Variants in PDZD7 observed in about 807,000 individuals in gnomAD.
The protein encoded by PDZD7 is PDZ domain containing 7.
A neutral mutation model predicts 84.7 loss-of-function variants in PDZD7; 72 were observed. The observed-to-expected ratio is 0.85, with a 90% CI of 0.70 to 1.03. The LOEUF (loss-of-function observed/expected upper bound fraction) is 1.03. PDZD7 is among the 50% of genes least tolerant of loss of function. The pLI is 0.00. For synonymous variants in PDZD7, 594 were observed against 580.7 expected, an observed-to-expected ratio of 1.02 and a Z score of -0.33; for missense variants, 1,490 against 1,412.9, an observed-to-expected ratio of 1.05 and a Z score of -0.87.
rs556043519 is a variant in PDZD7, at chr10:101,011,615, A to G, written c.2005+75T>C. ...CACAACTGCCCCTAGTGGGGAAAGAAGTAGAAGGCCCATCCTCCTTTCCCT... is the reference window on the plus strand; with the variant it reads ...CACAACTGCCCCTAGTGGGGAAAGAGGTAGAAGGCCCATCCTCCTTTCCCT... On this transcript the variant is annotated intron_variant, in intron 14 of 16. Transcript: ENST00000619208. The G allele has an allele frequency of 3.3e-4, 493 of 1,515,704 alleles. No homozygotes were observed. In the African/African-American group the frequency reaches 6.3e-3, roughly 19 times the overall value. 93.9% of individuals were successfully genotyped at this position (1,515,704 alleles called of 1,614,324 possible). A position where few individuals can be genotyped will look rare whatever the true frequency, so the allele number is the denominator to read the frequency against.
chr10:101,030,329 C>G lies in PDZD7; in HGVS notation c.-110G>C. On this transcript the variant is annotated 5_prime_UTR_variant, in exon 2 of 17. Transcript: ENST00000619208. The stretch of plus-strand genomic sequence containing the variant: ...ATGAGCCTCTGTGCGGGGCTGGGGT[C>G]TCAGTAACGTGAAGGCCCTCGCTTG... 2 of 953,054 alleles carry G rather than the reference C, an allele frequency of 2.1e-6. No individual in the cohort carries two copies. Among genetic ancestry groups the G allele is most frequent in the Non-Finnish European group, 3.3e-6 (2 of 614,280 alleles). 59.0% of individuals were successfully genotyped at this position (953,054 alleles called of 1,614,324 possible). A position where few individuals can be genotyped will look rare whatever the true frequency, so the allele number is the denominator to read the frequency against.
At chr10:101,010,978 G>C in intron 14 of PDZD7, 95 bp from the exon 15 acceptor site, 2 of 1,525,374 alleles carry the variant, frequency 1.3e-6, no homozygotes, top group Non-Finnish European at 1.8e-6. Context: ...AGCCAGGCCC[G>C]AGTTTGTTCA....
rs895851929 is a variant in PDZD7 at position 101,019,236 on chromosome 10, C to G, written c.929-19G>C. On this transcript the variant is annotated intron_variant, in intron 7 of 16. Coordinates refer to ENST00000619208, the MANE Select transcript of PDZD7 (RefSeq NM_001195263.2). ...TTGCTCACTGCAGGGAGTAGAGAAG[C>G]CAGGGATCAGCGGGCTTGCTTCAGA... 1.3e-6 allele frequency: 2 copies of G among 1,535,186 alleles called. No individual in the cohort carries two copies. The highest frequency in any genetic ancestry group is 1.7e-6 in the Non-Finnish European group (2 of 1,146,666).
chr10:101,007,764 T>C lies in PDZD7; in HGVS notation c.*703A>G. 2 of 558,296 alleles carry C rather than the reference T, an allele frequency of 3.6e-6. No homozygotes were observed. The highest frequency in any genetic ancestry group is 4.6e-6 in the Non-Finnish European group (2 of 432,728). 34.6% of individuals were successfully genotyped at this position (558,296 alleles called of 1,614,324 possible). A position where few individuals can be genotyped will look rare whatever the true frequency, so the allele number is the denominator to read the frequency against. On this transcript the variant is annotated 3_prime_UTR_variant, in exon 17 of 17. Transcript: ENST00000619208. Reference sequence around the variant, plus strand: ...GTTTATGGCCTCGTTTTCACTTGTATATTTTTCACACTGTAAATTTCTTGT... The same window carrying C: ...GTTTATGGCCTCGTTTTCACTTGTACATTTTTCACACTGTAAATTTCTTGT...
Position 101,008,729 on chromosome 10 carries a change from AC to A in PDZD7, c.2839del (p.Val947SerfsTer98). On this transcript the variant is annotated frameshift_variant, in exon 17 of 17. Coordinates refer to ENST00000619208, the MANE Select transcript of PDZD7 (RefSeq NM_001195263.2). LOFTEE classifies it low-confidence loss of function (END_TRUNC). ...CCGTGGGCTGGGCCCGGGGACCCTG[AC>A]CACAAGCTCCATGGGCTCCCGGGCC... ...NKAREPMELV[V>X]RVPGPSPRPS... 1 of 1,535,962 alleles carries A rather than the reference AC, an allele frequency of 6.5e-7. No homozygotes were observed. Among genetic ancestry groups the A allele is most frequent in the Non-Finnish European group, 8.7e-7 (1 of 1,146,830 alleles).
chr10:101,018,258 G>C lies in PDZD7; in HGVS notation c.1363C>G (p.Pro455Ala). ...QQRKKEKSGSPGEKGALQRSK... is the reference protein window; with the variant it reads ...QQRKKEKSGSAGEKGALQRSK... ...CGCTGCAGGGCACCCTTCTCCCCAG[G>C]GGACCCCGACTTCTCCTTCTTCCGC... is the stretch of plus-strand genomic sequence containing the variant. Residue 455 changes from proline (P) to alanine (A), a missense_variant, in exon 9 of 17, where the codon CCT becomes GCT. Coordinates refer to ENST00000619208, the MANE Select transcript of PDZD7 (RefSeq NM_001195263.2). 6.2e-7 allele frequency: 1 copy of C among 1,614,064 alleles called. No homozygotes were observed. The highest frequency in any genetic ancestry group is 8.5e-7 in the Non-Finnish European group (1 of 1,180,040).
chr10:101,018,116 C>A lies in PDZD7; in HGVS notation c.1505G>T (p.Arg502Leu), dbSNP rs768381051. Residue 502 changes from arginine to leucine, a missense_variant, in exon 9 of 17, where the codon CGC becomes CTC. Arg to Leu is a moderately radical substitution (Grantham distance 102). Coordinates refer to ENST00000619208, the MANE Select transcript of PDZD7 (RefSeq NM_001195263.2). ...CTACTTACCTTTCTCTATGTCCAGG[C>A]GAGGGTAAGTTTTGGCCAGGCTCCC... ...DSGSLAKTYPRLDIEKAGGVG... is the reference protein window; with the variant it reads ...DSGSLAKTYPLLDIEKAGGVG... 1.1e-5 allele frequency: 17 copies of A among 1,614,028 alleles called. No individual in the cohort carries two copies. Among genetic ancestry groups the A allele is most frequent in the African/African-American group, 1.3e-5 (1 of 74,918 alleles).
At chr10:101,016,470 G>A in intron 9 of PDZD7, 43 bp from the exon 10 acceptor site, 1 of 1,546,140 alleles carries the variant, frequency 6.5e-7, no homozygotes, top group Non-Finnish European at 8.7e-7. Flanking sequence ...TTGGCCCCCA[G>A]TCTGAAAATG....
intron 2 of PDZD7, among the ~76,000 whole-genome samples, chr10:101,029,506 C>T (rs1937932398): frequency 6.6e-6 from 1 of 152,238 alleles, no homozygotes; most frequent in South Asian, 2.1e-4. Flanking sequence ...CTTCATTCCC[C>T]TCCTTCAGCA....
At chr10:101,016,530 G>A (rs945105295) in intron 9 of PDZD7, 103 bp from the exon 10 acceptor site, 2 of 1,281,480 alleles carry the variant, frequency 1.6e-6, no homozygotes, top group African/African-American at 1.5e-5. Flanking sequence ...CAGACTGGAA[G>A]TAGGTGGGAT....
chr10:101,018,660 A>G (rs758499847), intron 8 of PDZD7, among the ~76,000 whole-genome samples, 162 bp downstream of exon 8: 3 of 152,170 alleles, frequency 2.0e-5, no homozygotes, highest in Non-Finnish European at 4.4e-5. Context: ...GGACTAATTT[A>G]AAGTGGAGCC....
chr10:101,022,339 T>C lies in PDZD7; in HGVS notation c.589A>G (p.Thr197Ala). ...TCTTCTGAGCTGGTGTCGGAGGGTG[T>C]TGAACCGCACTTCTCCACTACCAGG... is the stretch of plus-strand genomic sequence containing the variant. ...RRLVVEKCGSTPSDTSSEDGV... is the reference protein window; with the variant it reads ...RRLVVEKCGSAPSDTSSEDGV... Residue 197 changes from threonine (T) to alanine (A), a missense_variant, in exon 5 of 17, where the codon ACA becomes GCA. By Grantham distance (58) the Thr-to-Ala change is moderately conservative. Transcript: ENST00000619208. 1 of 1,614,128 alleles carries C rather than the reference T, an allele frequency of 6.2e-7. No homozygotes were observed. The highest frequency in any genetic ancestry group is 1.1e-5 in the South Asian group (1 of 91,082).
intron 4 of PDZD7, 123 bp from the exon 5 acceptor site, chr10:101,022,508 G>T: frequency 9.2e-7 from 1 of 1,086,050 alleles, no homozygotes; most frequent in Non-Finnish European, 1.4e-6. Flanking sequence ...CCAGGCCTGA[G>T]ACCTGCAGTG....
At position 101,016,286 on chromosome 10, in the gene PDZD7, T is replaced by C. The variant is rs989665987; in HGVS notation, c.1573+91A>G. Reference sequence around the variant, plus strand: ...CCCCATGCTTGACCCTGACTGAATTTAGTCCAGAGCCACTCAGCTGGCCCC... The same window carrying C: ...CCCCATGCTTGACCCTGACTGAATTCAGTCCAGAGCCACTCAGCTGGCCCC... On this transcript the variant is annotated intron_variant, in intron 10 of 16. Coordinates refer to ENST00000619208, the MANE Select transcript of PDZD7 (RefSeq NM_001195263.2). The C allele has an allele frequency of 2.2e-5, 29 of 1,331,684 alleles. No homozygotes were observed. In the Admixed American group the frequency reaches 4.3e-4, roughly 20 times the overall value. 82.5% of individuals were successfully genotyped at this position (1,331,684 alleles called of 1,614,324 possible).
Position 101,010,348 on chromosome 10 carries a change from C to G in PDZD7, c.2541G>C (p.Thr847=). ...QGPSESGTEG[T]AKEAAMKNPS... ...GGTTCTTCATGGCTGCCTCCTTGGC[C>G]GTCCCCTCAGTTCCACTCTCCGAGG... The change falls in exon 15 of 17, where the codon ACG becomes ACC. Residue 847 remains threonine (T), a synonymous_variant. Transcript: ENST00000619208. 3 of 1,535,472 alleles carry G rather than the reference C, an allele frequency of 2.0e-6. No individual in the cohort carries two copies. The highest frequency in any genetic ancestry group is 2.6e-6 in the Non-Finnish European group (3 of 1,146,328).
Position 101,010,313 on chromosome 10 carries a change from T to C in PDZD7, c.2576A>G (p.Glu859Gly). ...KEAAMKNPSG[E>G]LKTVTLSKMK... The stretch of plus-strand genomic sequence containing the variant: ...CTTGGACAGTGTCACTGTCTTCAGC[T>C]CGCCACTGGGGTTCTTCATGGCTGC... The change falls in exon 15 of 17, where the codon GAG (glutamate) becomes GGG (glycine). Residue 859 changes from glutamate (E) to glycine (G), a missense_variant. Coordinates refer to ENST00000619208, the MANE Select transcript of PDZD7 (RefSeq NM_001195263.2). 1.3e-6 allele frequency: 2 copies of C among 1,535,584 alleles called. No homozygotes were observed. Among genetic ancestry groups the C allele is most frequent in the Non-Finnish European group, 1.7e-6 (2 of 1,146,284 alleles).
chr10:101,016,260 C>T, intron 10 of PDZD7, 117 bp downstream of exon 10: 3 of 1,026,832 alleles, frequency 2.9e-6, no homozygotes, highest in Non-Finnish European at 4.4e-6. Context: ...GCTGCCTGAT[C>T]CCCCATGCTT....
At chr10:101,020,764 T>C in intron 6 of PDZD7, 86 bp from the exon 7 acceptor site, 1 of 954,562 alleles carries the variant, frequency 1.0e-6, no homozygotes. Flanking sequence ...AGGATGGGAG[T>C]AAACTTTCAA....
intron 2 of PDZD7, 42 bp downstream of exon 2, chr10:101,029,952 C>G (rs1194470441): frequency 1.4e-6 from 2 of 1,430,542 alleles, no homozygotes; most frequent in Non-Finnish European, 2.0e-6. Context: ...CCCCTACCCC[C>G]ACCCTCCCCA....
Sources: gnomAD v4.1 joint callset for allele counts (sites outside exome capture counted in the v4.1 genomes callset) on GRCh38, gnomAD v4.1.1 for gene constraint, MANE v1.5 for transcripts, NCBI Gene and HGNC (gene_info 2026-07-23, HGNC 2026-07-21) for gene names.